The following DCDC1 variants were observed in gnomAD, a reference collection of about 807,000 sequenced individuals.
The protein encoded by DCDC1 is doublecortin domain containing 1, also known as doublecortin domain-containing protein 1.
In DCDC1, 200 loss-of-function variants were observed where a neutral mutation model predicts 178.3. That is an observed-to-expected ratio of 1.12 (90% CI 1.00 to 1.26). The LOEUF (loss-of-function observed/expected upper bound fraction) is 1.26. Among genes scored for constraint, DCDC1 ranks in the 50% most tolerant of loss-of-function variants. DCDC1 has a pLI of 0.00. For missense variants in DCDC1, 1,983 were observed against 1,749.2 expected (o/e 1.13, Z -2.38); for synonymous variants, 690 against 604.8 (o/e 1.14, Z -2.07).
At chr11:30,986,337 T>TC (rs200709371) in intron 20 of DCDC1, among the ~76,000 whole-genome samples, 1,650 of 136,318 alleles carry the variant, frequency 0.012, 29 homozygotes, top group African/African-American at 0.042. Flanking sequence ...TCTCTCTCTC[T>TC]TTTTTTTTTT....
intron 17 of DCDC1, among the ~76,000 whole-genome samples, chr11:31,087,311 C>G (rs1276318502): frequency 6.6e-6 from 1 of 151,838 alleles, no homozygotes; most frequent in African/African-American, 2.4e-5. Context: ...TCAAAAAAAT[C>G]CAGCTTTTAA....
chr11:31,106,423 T>C (rs555274737), intron 13 of DCDC1, among the ~76,000 whole-genome samples: 1 of 152,044 alleles, frequency 6.6e-6, no homozygotes, highest in East Asian at 1.9e-4. Context: ...ACAAAAAAAA[T>C]AGAGGAGTGG....
Position 31,058,668 on chromosome 11 carries a change from A to C in DCDC1, c.2591+5801T>G, listed in dbSNP as rs77586810. 4.2e-3 allele frequency among the ~76,000 whole-genome samples: 639 copies of C among 152,204 alleles called. 1 individual carries two copies. Among genetic ancestry groups the C allele is most frequent in the African/African-American group, 0.015 (618 of 41,532 alleles). On this transcript the variant is annotated intron_variant, in intron 20 of 38. Coordinates refer to ENST00000684477, the MANE Select transcript of DCDC1 (RefSeq NM_001387274.1). ...TTCACTCTAGAGAAAATAAGAAGCC[A>C]TTGAAAGATATGGAACTGAGGATTC...
chr11:31,272,496 C>A (rs77982388), intron 7 of DCDC1, among the ~76,000 whole-genome samples: 3,132 of 152,230 alleles, frequency 0.021, 95 homozygotes, highest in African/African-American at 0.07. Flanking sequence ...CACCTATGAG[C>A]CAGTAAATTA....
intron 8 of DCDC1, among the ~76,000 whole-genome samples, chr11:31,259,380 C>T (rs1304517319): frequency 6.6e-6 from 1 of 151,892 alleles, no homozygotes; most frequent in Admixed American, 6.6e-5. Context: ...AATAATAACG[C>T]CAATAATGAT....
chr11:31,031,761 C>T (rs2135279953), intron 20 of DCDC1, among the ~76,000 whole-genome samples: 1 of 152,022 alleles, frequency 6.6e-6, no homozygotes, highest in African/African-American at 2.4e-5. Flanking sequence ...AATTTTCTCT[C>T]AAATAAGCAT....
intron 7 of DCDC1, chr11:31,280,524 G>A: frequency 4.1e-6 from 1 of 245,298 alleles, no homozygotes; most frequent in South Asian, 6.2e-5. Context: ...GCTAGTCTTA[G>A]TTTTAAATCA....
intron 9 of DCDC1, among the ~76,000 whole-genome samples, chr11:31,213,118 T>TC (rs1565442030): frequency 4.0e-4 from 45 of 113,794 alleles, no homozygotes; most frequent in Non-Finnish European, 6.3e-4. Context: ...TCTCTCTCTC[T>TC]CTCTCTCTCT....
intron 9 of DCDC1, among the ~76,000 whole-genome samples, chr11:31,147,807 C>T (rs1164004623): frequency 1.3e-5 from 2 of 152,094 alleles, no homozygotes; most frequent in African/African-American, 4.8e-5. Context: ...TAAGGGAAGG[C>T]CAAAGAAAGA....
intron 36 of DCDC1, among the ~76,000 whole-genome samples, chr11:30,888,543 C>A (rs1024043813): frequency 6.6e-6 from 1 of 152,092 alleles, no homozygotes; most frequent in Non-Finnish European, 1.5e-5. Context: ...CATGGAGAAA[C>A]CCCATCTCTA....
intron 20 of DCDC1, among the ~76,000 whole-genome samples, chr11:30,970,683 A>G (rs956429644): frequency 6.6e-6 from 1 of 152,166 alleles, no homozygotes; most frequent in African/African-American, 2.4e-5. Context: ...TACACTCCCC[A>G]GCTGCCTGAC....
At chr11:30,906,855 A>AT in intron 29 of DCDC1, 130 bp from the exon 30 acceptor site, 1 of 883,420 alleles carries the variant, frequency 1.1e-6, no homozygotes, top group Non-Finnish European at 1.6e-6. Flanking sequence ...TTTATGCTAA[A>AT]TTTAAATTTA....
intron 20 of DCDC1, among the ~76,000 whole-genome samples, chr11:31,061,280 G>A (rs1313903698): frequency 1.3e-5 from 2 of 152,062 alleles, no homozygotes; most frequent in South Asian, 2.1e-4. Flanking sequence ...AAGGGTAAAG[G>A]ACTCCTTTGG....
At chr11:31,127,083 T>G (rs1961741495) in intron 11 of DCDC1, among the ~76,000 whole-genome samples, 1 of 152,218 alleles carries the variant, frequency 6.6e-6, no homozygotes, top group Admixed American at 6.5e-5. Flanking sequence ...ACCTTCAATT[T>G]CTATTGCCAC....
At chr11:30,949,505 G>T (rs1312913883) in intron 21 of DCDC1, among the ~76,000 whole-genome samples, 1 of 152,070 alleles carries the variant, frequency 6.6e-6, no homozygotes, top group Non-Finnish European at 1.5e-5. Context: ...CCATTACTTG[G>T]TATATACCTA....
chr11:31,201,550 ATTTTCACCCAGTACCCTTTT>A (rs1971285638), intron 9 of DCDC1, among the ~76,000 whole-genome samples: 1 of 151,966 alleles, frequency 6.6e-6, no homozygotes, highest in African/African-American at 2.4e-5. Flanking sequence ...GACATGTGTC[ATTTTCACCCAGTACCCTTTT>A]TTCCCACCTA....
At chr11:31,194,919 C>T (rs1381827020) in intron 9 of DCDC1, among the ~76,000 whole-genome samples, 1 of 152,056 alleles carries the variant, frequency 6.6e-6, no homozygotes, top group East Asian at 1.9e-4. Context: ...TAAACTGCAG[C>T]AGTCACCACT....
rs773898264 is a variant in DCDC1 at position 31,308,375 on chromosome 11, C to A, written c.165-467G>T. Among the ~76,000 whole-genome samples the A allele has an allele frequency of 8.0e-4, 122 of 152,210 alleles. 2 individuals carry two copies. The highest frequency in any genetic ancestry group is 1.5e-3 in the Non-Finnish European group (101 of 68,034). On this transcript the variant is annotated intron_variant, in intron 3 of 38. Coordinates refer to ENST00000684477, the MANE Select transcript of DCDC1 (RefSeq NM_001387274.1). ...GTCCTACCCTCAAGAAACTTGCAAA[C>A]AATCCCCCAATAGAGAATATATGTT...
intron 7 of DCDC1, among the ~76,000 whole-genome samples, chr11:31,279,730 C>A (rs1462728028): frequency 3.9e-5 from 6 of 152,008 alleles, no homozygotes; most frequent in Non-Finnish European, 7.4e-5. Context: ...ACACCACAGC[C>A]TGTCAGGGGG....
Sources: gnomAD v4.1 joint callset for allele counts (sites outside exome capture counted in the v4.1 genomes callset) on GRCh38, gnomAD v4.1.1 for gene constraint, MANE v1.5 for transcripts, NCBI Gene and HGNC (gene_info 2026-07-23, HGNC 2026-07-21) for gene names.